SORCS1: variants seen among roughly 807,000 people sequenced by gnomAD.
The protein encoded by SORCS1 is VPS10 domain-containing receptor SorCS1.
SORCS1 carries 60 observed loss-of-function variants against 146.1 expected under a neutral mutation model. The observed-to-expected ratio is 0.41, with a 90% CI of 0.33 to 0.51. The LOEUF (loss-of-function observed/expected upper bound fraction) is 0.51, where lower values mean the gene tolerates loss of function less well. Among genes scored for constraint, SORCS1 ranks in the 20% least tolerant of loss-of-function variants. SORCS1 has a pLI of 0.21. For synonymous variants in SORCS1, 637 were observed against 584.0 expected, an observed-to-expected ratio of 1.09 and a Z score of -1.31; for missense variants, 1,352 against 1,487.6, an observed-to-expected ratio of 0.91 and a Z score of 1.50.
chr10:107,019,478 G>A (rs780674475), intron 1 of SORCS1, among the ~76,000 whole-genome samples: 13 of 152,140 alleles, frequency 8.5e-5, no homozygotes, highest in Non-Finnish European at 1.2e-4. Flanking sequence ...TTAAAAGCTC[G>A]TCTAAATTAG....
At chr10:106,798,222 T>C (rs541963290) in intron 3 of SORCS1, among the ~76,000 whole-genome samples, 1 of 152,332 alleles carries the variant, frequency 6.6e-6, no homozygotes, top group South Asian at 2.1e-4. Flanking sequence ...TCTGCCATGA[T>C]TGTGAGTCCT....
chr10:106,876,525 G>A (rs186214318), intron 2 of SORCS1, among the ~76,000 whole-genome samples: 5 of 152,296 alleles, frequency 3.3e-5, no homozygotes, highest in Admixed American at 2.6e-4. Context: ...TGCCAGTCTG[G>A]TTGCTCTAGG....
chr10:106,864,316 C>T (rs933338874), intron 2 of SORCS1, among the ~76,000 whole-genome samples: 1 of 152,154 alleles, frequency 6.6e-6, no homozygotes, highest in Non-Finnish European at 1.5e-5. Flanking sequence ...ACCTCCCCCG[C>T]CCAGGGAAGC....
chr10:106,609,534 A>C (rs2133399154), intron 22 of SORCS1, among the ~76,000 whole-genome samples: 1 of 152,334 alleles, frequency 6.6e-6, no homozygotes, highest in African/African-American at 2.4e-5. Context: ...AAGTGCAATT[A>C]CTGATCTCAA....
chr10:106,761,363 A>C (rs2136250160), intron 5 of SORCS1, among the ~76,000 whole-genome samples: 1 of 152,254 alleles, frequency 6.6e-6, no homozygotes, highest in Admixed American at 6.5e-5. Context: ...TAACCTCCAT[A>C]ATCCATTTGA....
intron 3 of SORCS1, among the ~76,000 whole-genome samples, chr10:106,786,143 A>C (rs1253841269): frequency 1.3e-5 from 2 of 152,212 alleles, no homozygotes; most frequent in Non-Finnish European, 2.9e-5. Flanking sequence ...ATAGTATACT[A>C]AAGAGAAAAG....
chr10:107,040,883 T>A (rs562115259), intron 1 of SORCS1, among the ~76,000 whole-genome samples: 1 of 152,264 alleles, frequency 6.6e-6, no homozygotes, highest in South Asian at 2.1e-4. Context: ...AGCAGATGTA[T>A]CTCCTGGTAT....
At position 106,688,257 on chromosome 10, in the gene SORCS1, T is replaced by C. The variant is rs1853019701; in HGVS notation, c.1495A>G (p.Arg499Gly). The C allele has an allele frequency of 8.7e-6, 14 of 1,614,004 alleles. No individual in the cohort carries two copies. The highest frequency in any genetic ancestry group is 1.2e-5 in the Non-Finnish European group (14 of 1,179,970). ...VKTFITYNKGRDWRLLQAPDT... is the reference protein window; with the variant it reads ...VKTFITYNKGGDWRLLQAPDT... The stretch of plus-strand genomic sequence containing the variant: ...GGCGCCTGCAGCAAACGCCAGTCTC[T>C]GCCTTTGTTATATGTGATGAAAGTC... The change falls in exon 10 of 26, where the codon AGA becomes GGA. Residue 499 changes from arginine (R) to glycine (G), a missense_variant. Coordinates refer to ENST00000263054, the MANE Select transcript of SORCS1 (RefSeq NM_052918.5).
chr10:106,810,401 TA>T, intron 3 of SORCS1, among the ~76,000 whole-genome samples: 1 of 152,266 alleles, frequency 6.6e-6, no homozygotes, highest in African/African-American at 2.4e-5. Flanking sequence ...TGCAATTTTT[TA>T]AAAAAATGTT....
intron 2 of SORCS1, among the ~76,000 whole-genome samples, chr10:106,891,504 C>CTTTTTTTTTTTTTTTTTTTTTTTTT (rs760812204): frequency 0.055 from 5,352 of 96,508 alleles, 1,096 homozygotes; most frequent in Non-Finnish European, 0.093. Flanking sequence ...AATGGGAATT[C>CTTTTTTTTTTTTTTTTTTTTTTTTT]TTTTTTTTTT....
At chr10:106,856,400 CT>C (rs1308293059) in intron 2 of SORCS1, among the ~76,000 whole-genome samples, 1 of 152,162 alleles carries the variant, frequency 6.6e-6, no homozygotes, top group African/African-American at 2.4e-5. Context: ...GGAATGTGAA[CT>C]TTACCAGTGC....
chr10:106,908,514 G>T (rs1229442490), intron 2 of SORCS1, among the ~76,000 whole-genome samples: 1 of 152,140 alleles, frequency 6.6e-6, no homozygotes, highest in Non-Finnish European at 1.5e-5. Flanking sequence ...CCCTCTCTGG[G>T]CTGGTGTGGA....
intron 9 of SORCS1, among the ~76,000 whole-genome samples, chr10:106,692,999 A>G (rs1853413388): frequency 6.6e-6 from 1 of 152,160 alleles, no homozygotes; most frequent in South Asian, 2.1e-4. Context: ...AAACTGTTTA[A>G]TGCACAAAAT....
intron 1 of SORCS1, among the ~76,000 whole-genome samples, chr10:107,038,076 G>C (rs973513008): frequency 6.6e-6 from 1 of 152,176 alleles, no homozygotes; most frequent in Non-Finnish European, 1.5e-5. Flanking sequence ...GCCCGCCTCA[G>C]CCTCCCAGTG....
In SORCS1 at chr10:107,094,491, T is replaced by C. The variant is rs567161650; in HGVS notation, c.558+69478A>G. Among the ~76,000 whole-genome samples, 13 of 152,088 alleles carry C rather than the reference T, an allele frequency of 8.5e-5. No individual in the cohort carries two copies. The South Asian group carries it at 2.7e-3, about 32-fold the overall frequency. ...TAGGCTATGAAGGTGAGGTATATAA[T>C]TGCAAAAAAGGGGGAATGACAGATA... On this transcript the variant is annotated intron_variant, in intron 1 of 25. Transcript: ENST00000263054.
chr10:106,921,281 T>C (rs1422802906), intron 2 of SORCS1, among the ~76,000 whole-genome samples: 2 of 152,188 alleles, frequency 1.3e-5, no homozygotes, highest in African/African-American at 4.8e-5. Flanking sequence ...CCCAGAACTC[T>C]GATGCCTTTT....
chr10:107,111,475 T>C (rs1163069150), intron 1 of SORCS1, among the ~76,000 whole-genome samples: 3 of 152,114 alleles, frequency 2.0e-5, no homozygotes, highest in South Asian at 4.1e-4. Flanking sequence ...GCAGAAGAAA[T>C]AATTAGTGAA....
intron 1 of SORCS1, among the ~76,000 whole-genome samples, chr10:107,056,017 T>G (rs571737925): frequency 8.7e-4 from 132 of 152,344 alleles, no homozygotes; most frequent in Middle Eastern, 6.8e-3. Context: ...CAAAGCTATT[T>G]AATTTCAGAA....
chr10:106,824,542 T>C (rs1387055261), intron 3 of SORCS1, among the ~76,000 whole-genome samples: 1 of 151,274 alleles, frequency 6.6e-6, no homozygotes, highest in Non-Finnish European at 1.5e-5. Flanking sequence ...TGAGCCGAGA[T>C]TGTGCCACTG....
Sources: gnomAD v4.1 joint callset for allele counts (sites outside exome capture counted in the v4.1 genomes callset) on GRCh38, gnomAD v4.1.1 for gene constraint, MANE v1.5 for transcripts, NCBI Gene and HGNC (gene_info 2026-07-23, HGNC 2026-07-21) for gene names.